The following FMN1 variants were observed in gnomAD, a reference collection of about 807,000 sequenced individuals.
FMN1 encodes formin 1.
A neutral mutation model predicts 132.4 loss-of-function variants in FMN1; 110 were observed. The ratio of observed to expected loss-of-function variants is 0.83; its 90% CI spans 0.71 to 0.97. The LOEUF (loss-of-function observed/expected upper bound fraction) is 0.97. Among genes scored for constraint, FMN1 ranks in the 50% least tolerant of loss-of-function variants. The probability of loss-of-function intolerance (pLI) is 0.00; values close to 1 mark genes in which losing one functional copy is unlikely to be tolerated. For synonymous variants in FMN1, 722 were observed against 651.7 expected, an observed-to-expected ratio of 1.11 and a Z score of -1.64; for missense variants, 1,792 against 1,705.3, an observed-to-expected ratio of 1.05 and a Z score of -0.90.
At chr15:32,957,295 G>GTTTTTTTTT (rs1278874015) in intron 9 of FMN1, among the ~76,000 whole-genome samples, 10 of 74,150 alleles carry the variant, frequency 1.3e-4, no homozygotes, top group Non-Finnish European at 2.0e-4. Context: ...TATCAGAGCA[G>GTTTTTTTTT]TTCTTTTTTT....
Position 32,826,538 on chromosome 15 carries a change from G to C in FMN1, c.3929-22206C>G, listed in dbSNP as rs138529743. Among the ~76,000 whole-genome samples the C allele has an allele frequency of 2.6e-5, 4 of 152,306 alleles. No individual in the cohort carries two copies. In the East Asian group the frequency reaches 7.7e-4, roughly 29 times the overall value. ...AAAAGAGGGCAAAAACAGAATCAAA[G>C]GACCCCAGGGAAGCGCAGACCAATT... On this transcript the variant is annotated intron_variant, in intron 17 of 20. Transcript: ENST00000616417.
intron 7 of FMN1, among the ~76,000 whole-genome samples, chr15:33,006,906 G>T (rs1884978057): frequency 6.6e-6 from 1 of 152,048 alleles, no homozygotes; most frequent in Non-Finnish European, 1.5e-5. Flanking sequence ...TGAAAAGTGG[G>T]GAAGGATTAG....
intron 5 of FMN1, among the ~76,000 whole-genome samples, chr15:33,069,208 T>C (rs2037888494): frequency 6.6e-6 from 1 of 152,230 alleles, no homozygotes; most frequent in East Asian, 1.9e-4. Flanking sequence ...ACTCTATTTA[T>C]ATGCTGGGAA....
chr15:33,032,613 T>TCCTCTACATTTA (rs2035989667), intron 6 of FMN1, among the ~76,000 whole-genome samples: 1 of 152,246 alleles, frequency 6.6e-6, no homozygotes, highest in Non-Finnish European at 1.5e-5. Flanking sequence ...CCATCTCTGG[T>TCCTCTACATTTA]GTTATTTGCA....
At chr15:33,028,284 A>G (rs1043341132) in intron 6 of FMN1, among the ~76,000 whole-genome samples, 3 of 152,212 alleles carry the variant, frequency 2.0e-5, no homozygotes, top group South Asian at 2.1e-4. Flanking sequence ...GGGGAAGGCC[A>G]GAAAGTGACA....
chr15:32,801,477 C>T (rs1156434318), intron 18 of FMN1, among the ~76,000 whole-genome samples: 1 of 152,006 alleles, frequency 6.6e-6, no homozygotes, highest in Admixed American at 6.6e-5. Context: ...CAAGAATGTG[C>T]CTTATTTGGC....
chr15:33,016,689 T>G (rs942456461), intron 6 of FMN1, among the ~76,000 whole-genome samples: 2 of 152,168 alleles, frequency 1.3e-5, no homozygotes, highest in Non-Finnish European at 2.9e-5. Flanking sequence ...AGCACACACG[T>G]CAGCAAAAGC....
At chr15:33,099,476 T>C (rs1166915626) in intron 4 of FMN1, among the ~76,000 whole-genome samples, 1 of 152,008 alleles carries the variant, frequency 6.6e-6, no homozygotes, top group African/African-American at 2.4e-5. Context: ...ATAGCAGCAA[T>C]GTGATGTGCC....
chr15:32,787,880 A>G (rs1426909606), intron 19 of FMN1, among the ~76,000 whole-genome samples: 1 of 152,168 alleles, frequency 6.6e-6, no homozygotes, highest in Non-Finnish European at 1.5e-5. Flanking sequence ...ATAAATTAGC[A>G]TATCACTTCT....
chr15:32,829,430 G>T (rs2058449156), intron 17 of FMN1, among the ~76,000 whole-genome samples: 1 of 152,114 alleles, frequency 6.6e-6, no homozygotes, highest in South Asian at 2.1e-4. Context: ...CCAGGAGAGG[G>T]GGGTGAAAGA....
At chr15:32,795,019 G>A (rs1001135108) in intron 19 of FMN1, among the ~76,000 whole-genome samples, 6 of 152,008 alleles carry the variant, frequency 3.9e-5, no homozygotes, top group African/African-American at 7.2e-5. Flanking sequence ...AACATAGTGA[G>A]ACACCGTCTC....
At chr15:33,017,554 C>T (rs71462837) in intron 6 of FMN1, among the ~76,000 whole-genome samples, 20,436 of 152,028 alleles carry the variant, frequency 0.13, 1,594 homozygotes, top group Middle Eastern at 0.23. Flanking sequence ...AGAAAGGAGC[C>T]TAATTTCTAT....
At chr15:33,164,021 T>A (rs759694932) in intron 3 of FMN1, among the ~76,000 whole-genome samples, 1 of 151,976 alleles carries the variant, frequency 6.6e-6, no homozygotes, top group Non-Finnish European at 1.5e-5. Flanking sequence ...AAAAATGGTA[T>A]GAAACATGGG....
chr15:32,823,889 C>T (rs1326218933), intron 17 of FMN1, among the ~76,000 whole-genome samples: 1 of 152,200 alleles, frequency 6.6e-6, no homozygotes, highest in Non-Finnish European at 1.5e-5. Context: ...TGCGAACTCA[C>T]AAGGTGGAAG....
intron 19 of FMN1, among the ~76,000 whole-genome samples, chr15:32,789,742 C>T (rs1197978154): frequency 1.3e-5 from 2 of 152,194 alleles, no homozygotes; most frequent in East Asian, 3.9e-4. Context: ...CTGCAACCTC[C>T]ATTCATGGTT....
intron 8 of FMN1, among the ~76,000 whole-genome samples, chr15:32,967,988 C>T (rs904836486): frequency 6.6e-6 from 1 of 152,250 alleles, no homozygotes; most frequent in African/African-American, 2.4e-5. Context: ...CAGAACAAAT[C>T]ACACTCAAAT....
At chr15:33,048,316 A>T (rs1374515993) in intron 6 of FMN1, among the ~76,000 whole-genome samples, 1 of 152,138 alleles carries the variant, frequency 6.6e-6, no homozygotes, top group Non-Finnish European at 1.5e-5. Flanking sequence ...AGAAGTTATA[A>T]AGAAATGAGA....
In FMN1 at chr15:32,822,934, G is replaced by A. The variant is rs907637352; in HGVS notation, c.3929-18602C>T. 7.2e-5 allele frequency among the ~76,000 whole-genome samples: 11 copies of A among 151,954 alleles called. No individual in the cohort carries two copies. In the East Asian group the frequency reaches 1.9e-3, roughly 27 times the overall value. ...TTGGCTTTCCTCTGTTGTTGATTCT[G>A]GACACGGAACCAATCTTGCTAGTTG... On this transcript the variant is annotated intron_variant, in intron 17 of 20. Coordinates refer to ENST00000616417, the MANE Select transcript of FMN1 (RefSeq NM_001277313.2).
intron 7 of FMN1, among the ~76,000 whole-genome samples, chr15:32,994,995 G>C (rs1411033599): frequency 6.6e-6 from 1 of 152,026 alleles, no homozygotes; most frequent in Non-Finnish European, 1.5e-5. Context: ...AAAAGAAAAT[G>C]TATCTAGAAA....
Sources: allele counts gnomAD v4.1 joint callset (sites outside exome capture counted in the v4.1 genomes callset), GRCh38; gene constraint gnomAD v4.1.1; transcripts MANE v1.5; gene names NCBI Gene and HGNC (gene_info 2026-07-23, HGNC 2026-07-21).